ARHGAP15: variants seen among roughly 807,000 people sequenced by gnomAD.
ARHGAP15 encodes the protein rho GTPase-activating protein 15.
ARHGAP15 carries 51 observed loss-of-function variants against 63.7 expected under a neutral mutation model. That is an observed-to-expected ratio of 0.80 (90% confidence interval 0.64 to 1.01). ARHGAP15 has a LOEUF of 1.01. ARHGAP15 is among the 50% of genes least tolerant of loss of function. ARHGAP15 has a pLI of 0.00. For missense variants in ARHGAP15, 560 were observed against 564.6 expected (o/e 0.99, Z 0.08); for synonymous variants, 191 against 193.8 (o/e 0.99, Z 0.12).
At chr2:143,316,223 A>T (rs1378598130) in intron 6 of ARHGAP15, among the ~76,000 whole-genome samples, 2 of 152,144 alleles carry the variant, frequency 1.3e-5, no homozygotes, top group Non-Finnish European at 2.9e-5. Flanking sequence ...CAACCAACCA[A>T]TCAATCATCA....
chr2:143,226,321 C>T (rs757444164), intron 4 of ARHGAP15, among the ~76,000 whole-genome samples: 3 of 152,154 alleles, frequency 2.0e-5, no homozygotes, highest in Non-Finnish European at 2.9e-5. Context: ...AGCCATTTAT[C>T]CAGGACTTAC....
At chr2:143,506,055 C>G (rs1324157719) in intron 9 of ARHGAP15, among the ~76,000 whole-genome samples, 1 of 152,180 alleles carries the variant, frequency 6.6e-6, no homozygotes, top group African/African-American at 2.4e-5. Context: ...AAATTTGAGT[C>G]TTTTCTTATT....
At chr2:143,143,378 T>C (rs1689448894) in intron 1 of ARHGAP15, among the ~76,000 whole-genome samples, 1 of 151,888 alleles carries the variant, frequency 6.6e-6, no homozygotes, top group South Asian at 2.1e-4. Flanking sequence ...GTATCTCTTA[T>C]CTTCAAAGAA....
At chr2:143,345,563 A>G (rs781232071) in intron 6 of ARHGAP15, among the ~76,000 whole-genome samples, 1 of 151,320 alleles carries the variant, frequency 6.6e-6, no homozygotes, top group Non-Finnish European at 1.5e-5. Flanking sequence ...ATCTGTCTGT[A>G]TTTTTTTTTA....
chr2:143,160,855 T>G (rs1284296005), intron 2 of ARHGAP15, among the ~76,000 whole-genome samples: 2 of 151,948 alleles, frequency 1.3e-5, no homozygotes, highest in African/African-American at 4.8e-5. Context: ...TTCAGAAAGT[T>G]TATGACGACA....
intron 12 of ARHGAP15, among the ~76,000 whole-genome samples, chr2:143,685,483 G>A (rs1342498946): frequency 1.3e-5 from 2 of 152,134 alleles, no homozygotes; most frequent in Non-Finnish European, 2.9e-5. Flanking sequence ...TAGAGGGCAG[G>A]GCTGCACTTC....
At chr2:143,622,846 G>A (rs1431756935) in intron 11 of ARHGAP15, among the ~76,000 whole-genome samples, 1 of 147,306 alleles carries the variant, frequency 6.8e-6, no homozygotes, top group South Asian at 2.1e-4. Flanking sequence ...TTAAAAGGAC[G>A]TGAACATTAT....
At chr2:143,357,684 ATTAAG>A (rs1399211579) in intron 6 of ARHGAP15, among the ~76,000 whole-genome samples, 20 of 152,322 alleles carry the variant, frequency 1.3e-4, no homozygotes, top group Non-Finnish European at 2.2e-4. Context: ...ACAATTTAAG[ATTAAG>A]TTGAGTATAG....
At chr2:143,330,471 A>G (rs1174294457) in intron 6 of ARHGAP15, among the ~76,000 whole-genome samples, 5 of 152,186 alleles carry the variant, frequency 3.3e-5, no homozygotes, top group Non-Finnish European at 7.4e-5. Context: ...ATAAGATTTC[A>G]TAAGTAGCCA....
At chr2:143,218,709 T>A (rs982382574) in intron 4 of ARHGAP15, among the ~76,000 whole-genome samples, 4 of 152,178 alleles carry the variant, frequency 2.6e-5, no homozygotes, top group Admixed American at 2.0e-4. Context: ...GAGAGATGCA[T>A]CCTTAGGTGA....
At chr2:143,594,880 G>T (rs1480104366) in intron 11 of ARHGAP15, among the ~76,000 whole-genome samples, 1 of 152,082 alleles carries the variant, frequency 6.6e-6, no homozygotes, top group South Asian at 2.1e-4. Flanking sequence ...TAATGTTAAG[G>T]TTATGACAGA....
At chr2:143,761,313 C>T (rs997089398) in intron 13 of ARHGAP15, among the ~76,000 whole-genome samples, 1 of 152,170 alleles carries the variant, frequency 6.6e-6, no homozygotes, top group Non-Finnish European at 1.5e-5. Context: ...GACCTGATGG[C>T]AGGAATACAT....
At chr2:143,131,049 T>G (rs1402767209) in intron 1 of ARHGAP15, among the ~76,000 whole-genome samples, 1 of 152,166 alleles carries the variant, frequency 6.6e-6, no homozygotes, top group Non-Finnish European at 1.5e-5. Context: ...CATGAAAATT[T>G]TTTAAATTGT....
intron 6 of ARHGAP15, among the ~76,000 whole-genome samples, chr2:143,270,041 C>T (rs914099249): frequency 6.6e-6 from 1 of 151,714 alleles, no homozygotes; most frequent in African/African-American, 2.4e-5. Flanking sequence ...TGTGTGATCT[C>T]GGCTCACTGC....
intron 11 of ARHGAP15, among the ~76,000 whole-genome samples, chr2:143,623,475 G>A (rs1004516747): frequency 2.0e-5 from 3 of 151,976 alleles, no homozygotes. Flanking sequence ...GCCTACGTAG[G>A]CCAACAGGGG....
chr2:143,452,309 T>C (rs1320760953), intron 8 of ARHGAP15, among the ~76,000 whole-genome samples: 1 of 151,980 alleles, frequency 6.6e-6, no homozygotes, highest in African/African-American at 2.4e-5. Context: ...ATAGGTAGGA[T>C]CTGCTTATTG....
At chr2:143,131,213 G>A (rs1688902700) in intron 1 of ARHGAP15, among the ~76,000 whole-genome samples, 1 of 152,138 alleles carries the variant, frequency 6.6e-6, no homozygotes, top group Non-Finnish European at 1.5e-5. Flanking sequence ...GAGTAAAGAT[G>A]ATAGGTAAAT....
At chr2:143,648,837 G>C (rs1376760660) in intron 12 of ARHGAP15, 1 of 151,886 alleles carries the variant, frequency 6.6e-6, no homozygotes, top group South Asian at 2.1e-4. Flanking sequence ...TGCAGTGTTA[G>C]GTGCACATTT....
intron 6 of ARHGAP15, among the ~76,000 whole-genome samples, chr2:143,407,989 A>ATGTG (rs1464718719): frequency 2.4e-4 from 4 of 16,446 alleles, no homozygotes; most frequent in Admixed American, 7.6e-4. Context: ...CTGTGTGTGT[A>ATGTG]TATATATATA....
Sources: gnomAD v4.1 joint callset for allele counts (sites outside exome capture counted in the v4.1 genomes callset) on GRCh38, gnomAD v4.1.1 for gene constraint, MANE v1.5 for transcripts, NCBI Gene and HGNC (gene_info 2026-07-23, HGNC 2026-07-21) for gene names.